The following AMPH variants were observed in gnomAD, a reference collection of about 807,000 sequenced individuals.
AMPH encodes amphiphysin.
A neutral mutation model predicts 99.1 loss-of-function variants in AMPH; 49 were observed. The observed-to-expected ratio is 0.49, with a 90% confidence interval of 0.39 to 0.63. The LOEUF (loss-of-function observed/expected upper bound fraction) is 0.63, where lower values mean the gene tolerates loss of function less well. Among genes scored for constraint, AMPH ranks in the 20% least tolerant of loss-of-function variants. The pLI is 0.00. For synonymous variants in AMPH, 314 were observed against 317.3 expected (o/e 0.99, Z 0.11); for missense variants, 759 against 863.4 (o/e 0.88, Z 1.52).
At chr7:38,610,955 T>G (rs904944802) in intron 1 of AMPH, among the ~76,000 whole-genome samples, 4 of 152,158 alleles carry the variant, frequency 2.6e-5, no homozygotes, top group Non-Finnish European at 5.9e-5. Flanking sequence ...GATCCAGCAA[T>G]CCCACTCTGG....
intron 1 of AMPH, among the ~76,000 whole-genome samples, chr7:38,615,371 G>A (rs562344668): frequency 6.6e-6 from 1 of 152,198 alleles, no homozygotes; most frequent in South Asian, 2.1e-4. Context: ...GATACCTTGA[G>A]TGCAAATTTT....
At chr7:38,465,654 T>C in intron 8 of AMPH, 105 bp from the exon 9 acceptor site, 1 of 974,962 alleles carries the variant, frequency 1.0e-6, no homozygotes, top group South Asian at 1.5e-5. Context: ...CTATAAATTT[T>C]ATGATAGCTT....
At chr7:38,393,871 G>T in intron 18 of AMPH, 134 bp downstream of exon 18, 1 of 769,350 alleles carries the variant, frequency 1.3e-6, no homozygotes, top group Non-Finnish European at 2.1e-6. Flanking sequence ...TGATAATAAT[G>T]TTGTTTGGTG....
chr7:38,583,305 T>C (rs937231525), intron 1 of AMPH, among the ~76,000 whole-genome samples: 1 of 152,234 alleles, frequency 6.6e-6, no homozygotes, highest in Admixed American at 6.5e-5. Context: ...ATCTTTCAAG[T>C]AGAGATTTCA....
At chr7:38,399,285 C>G (rs1784776758) in intron 17 of AMPH, among the ~76,000 whole-genome samples, 1 of 152,220 alleles carries the variant, frequency 6.6e-6, no homozygotes, top group Non-Finnish European at 1.5e-5. Context: ...GAAGGATCAT[C>G]CACTATCTGC....
chr7:38,547,031 TG>T (rs1791018320), intron 1 of AMPH, among the ~76,000 whole-genome samples: 1 of 152,124 alleles, frequency 6.6e-6, no homozygotes, highest in Non-Finnish European at 1.5e-5. Flanking sequence ...AGGGAGAGCC[TG>T]GGGTTCTGGT....
chr7:38,621,471 C>A (rs920241978), intron 1 of AMPH, among the ~76,000 whole-genome samples: 2 of 152,012 alleles, frequency 1.3e-5, no homozygotes, highest in Admixed American at 6.6e-5. Flanking sequence ...ATTGACTTGA[C>A]AATAGAATAG....
intron 3 of AMPH, among the ~76,000 whole-genome samples, chr7:38,495,472 C>G (rs942464487): frequency 6.6e-6 from 1 of 152,166 alleles, no homozygotes; most frequent in Non-Finnish European, 1.5e-5. Context: ...GCAGGGTGCA[C>G]TTACAAACCC....
intron 7 of AMPH, among the ~76,000 whole-genome samples, chr7:38,472,275 T>C (rs1232901781): frequency 6.6e-6 from 1 of 150,830 alleles, no homozygotes; most frequent in Non-Finnish European, 1.5e-5. Context: ...CAAGGTTGAG[T>C]AATATGGCTT....
intron 2 of AMPH, among the ~76,000 whole-genome samples, chr7:38,531,626 T>C (rs1790400357): frequency 6.6e-6 from 1 of 152,188 alleles, no homozygotes; most frequent in Admixed American, 6.5e-5. Flanking sequence ...CTTATGATTT[T>C]ATAAAAGGAA....
chr7:38,537,566 T>G (rs1790659228), intron 1 of AMPH, among the ~76,000 whole-genome samples: 2 of 152,136 alleles, frequency 1.3e-5, no homozygotes, highest in African/African-American at 4.8e-5. Flanking sequence ...GACAAAAACT[T>G]AACTATACAA....
At chr7:38,395,092 C>T (rs980484395) in intron 17 of AMPH, among the ~76,000 whole-genome samples, 1 of 152,106 alleles carries the variant, frequency 6.6e-6, no homozygotes, top group Non-Finnish European at 1.5e-5. Flanking sequence ...TGGAAGTGGC[C>T]TGGGTCAGAG....
intron 1 of AMPH, among the ~76,000 whole-genome samples, chr7:38,622,587 G>A (rs1229367272): frequency 6.6e-6 from 1 of 152,020 alleles, no homozygotes; most frequent in Non-Finnish European, 1.5e-5. Flanking sequence ...TGTGGGCTTA[G>A]AATAAATTTA....
At chr7:38,489,567 A>T (rs890041416) in intron 5 of AMPH, among the ~76,000 whole-genome samples, 3 of 152,162 alleles carry the variant, frequency 2.0e-5, no homozygotes, top group Non-Finnish European at 2.9e-5. Flanking sequence ...CAAAAGAAAC[A>T]ATCAAGAGTA....
intron 5 of AMPH, among the ~76,000 whole-genome samples, chr7:38,480,205 T>G (rs1363443037): frequency 3.9e-5 from 6 of 152,170 alleles, no homozygotes; most frequent in Non-Finnish European, 7.4e-5. Context: ...AGATAACCTC[T>G]AATTTGTCCG....
At chr7:38,445,604 C>T (rs2129000757) in intron 11 of AMPH, among the ~76,000 whole-genome samples, 1 of 152,230 alleles carries the variant, frequency 6.6e-6, no homozygotes. Flanking sequence ...TTAACAGGCA[C>T]TTCACCAAAG....
At chr7:38,441,871 T>TATATAC (rs1786566854) in intron 11 of AMPH, among the ~76,000 whole-genome samples, 4 of 120,040 alleles carry the variant, frequency 3.3e-5, no homozygotes, top group South Asian at 3.0e-4. Context: ...ATATATATCA[T>TATATAC]ATATATATCA....
intron 17 of AMPH, among the ~76,000 whole-genome samples, chr7:38,411,689 T>C (rs1455171952): frequency 6.6e-6 from 1 of 152,026 alleles, no homozygotes; most frequent in African/African-American, 2.4e-5. Flanking sequence ...CTCTTGTAGG[T>C]CTAAATTCTG....
At chr7:38,544,605 C>T (rs1790928518) in intron 1 of AMPH, among the ~76,000 whole-genome samples, 1 of 152,132 alleles carries the variant, frequency 6.6e-6, no homozygotes, top group Admixed American at 6.5e-5. Context: ...TTCATGGGTA[C>T]AAGTGGAAAG....
Sources: allele counts gnomAD v4.1 joint callset (sites outside exome capture counted in the v4.1 genomes callset), GRCh38; gene constraint gnomAD v4.1.1; transcripts MANE v1.5; gene names NCBI Gene and HGNC (gene_info 2026-07-23, HGNC 2026-07-21).